The following PDE4B variants were observed in gnomAD, a reference collection of about 807,000 sequenced individuals.
PDE4B encodes the protein 3',5'-cyclic-AMP phosphodiesterase 4B.
PDE4B carries 20 observed loss-of-function variants against 82.2 expected under a neutral mutation model. That is an observed-to-expected ratio of 0.24 (90% CI 0.17 to 0.35). PDE4B has a LOEUF of 0.35. Among genes scored for constraint, PDE4B ranks in the 10% least tolerant of loss-of-function variants. The pLI, the probability that PDE4B is intolerant of heterozygous loss-of-function variation, is 1.00. For missense variants in PDE4B, 655 were observed against 907.2 expected, an observed-to-expected ratio of 0.72 and a Z score of 3.57; for synonymous variants, 320 against 318.9, an observed-to-expected ratio of 1.00 and a Z score of -0.04.
At chr1:66,113,669 C>G (rs372990513) in intron 3 of PDE4B, among the ~76,000 whole-genome samples, 1 of 152,152 alleles carries the variant, frequency 6.6e-6, no homozygotes, top group South Asian at 2.1e-4. Context: ...GTGTTTCTTA[C>G]TTTTCATATC....
chr1:66,141,888 G>A (rs1199275169), intron 3 of PDE4B, among the ~76,000 whole-genome samples: 4 of 151,994 alleles, frequency 2.6e-5, no homozygotes, highest in African/African-American at 9.7e-5. Flanking sequence ...AACAACATAG[G>A]CATTAGGGGT....
At chr1:66,263,970 T>G (rs1165151522) in intron 6 of PDE4B, among the ~76,000 whole-genome samples, 2 of 152,170 alleles carry the variant, frequency 1.3e-5, no homozygotes, top group African/African-American at 4.8e-5. Flanking sequence ...TCAATAAGTA[T>G]TTACTGAATG....
At chr1:66,200,121 GT>G (rs748573911) in intron 3 of PDE4B, among the ~76,000 whole-genome samples, 1 of 152,096 alleles carries the variant, frequency 6.6e-6, no homozygotes, top group Non-Finnish European at 1.5e-5. Context: ...ACCATTTCTT[GT>G]TTTTGTCAGG....
intron 3 of PDE4B, among the ~76,000 whole-genome samples, chr1:66,151,203 T>C (rs1557596064): frequency 6.6e-6 from 1 of 152,188 alleles, no homozygotes; most frequent in Non-Finnish European, 1.5e-5. Flanking sequence ...AACAAAGGAC[T>C]TACAGGCAAA....
At chr1:66,323,070 G>C (rs1659518575) in intron 7 of PDE4B, among the ~76,000 whole-genome samples, 1 of 152,038 alleles carries the variant, frequency 6.6e-6, no homozygotes, top group Non-Finnish European at 1.5e-5. Context: ...CAGCCAGAGG[G>C]ATCTTTTTAA....
intron 1 of PDE4B, among the ~76,000 whole-genome samples, chr1:65,842,657 T>TTTGCTGAACAGATAAATAC (rs1646220758): frequency 6.6e-6 from 1 of 152,108 alleles, no homozygotes; most frequent in Non-Finnish European, 1.5e-5. Context: ...TCAGTAAATA[T>TTTGCTGAACAGATAAATAC]TTGCTGAACA....
At chr1:66,158,900 A>G (rs953235334) in intron 3 of PDE4B, among the ~76,000 whole-genome samples, 3 of 152,220 alleles carry the variant, frequency 2.0e-5, no homozygotes, top group African/African-American at 7.2e-5. Context: ...ATGATCTCAT[A>G]AAAGTAGAGA....
intron 3 of PDE4B, among the ~76,000 whole-genome samples, chr1:65,928,795 C>T (rs527835853): frequency 6.6e-6 from 1 of 152,284 alleles, no homozygotes; most frequent in East Asian, 1.9e-4. Context: ...GGAGATCAGG[C>T]ATTTCCAGCT....
intron 3 of PDE4B, among the ~76,000 whole-genome samples, chr1:65,991,885 A>T (rs531145441): frequency 1.6e-4 from 24 of 152,290 alleles, no homozygotes; most frequent in African/African-American, 5.8e-4. Context: ...TTTAACTGAG[A>T]GTATTCATTT....
intron 3 of PDE4B, among the ~76,000 whole-genome samples, chr1:66,214,712 A>G (rs962819386): frequency 6.6e-6 from 1 of 152,158 alleles, no homozygotes; most frequent in East Asian, 1.9e-4. Flanking sequence ...AAGTGGTAGA[A>G]CCAGAATTCA....
At chr1:66,100,727 A>G (rs1645204797) in intron 3 of PDE4B, among the ~76,000 whole-genome samples, 1 of 152,138 alleles carries the variant, frequency 6.6e-6, no homozygotes, top group African/African-American at 2.4e-5. Flanking sequence ...AAAGATGCCT[A>G]ATGCCTTTAC....
intron 4 of PDE4B, 200 bp from the exon 5 acceptor site, chr1:66,257,447 T>C (rs889488658): frequency 1.3e-6 from 1 of 763,132 alleles, no homozygotes; most frequent in Non-Finnish European, 2.4e-6. Context: ...TCAGGAGTCA[T>C]GAATCTAGTA....
intron 3 of PDE4B, among the ~76,000 whole-genome samples, chr1:65,980,311 A>C (rs760150168): frequency 2.6e-5 from 4 of 152,232 alleles, no homozygotes; most frequent in African/African-American, 9.6e-5. Flanking sequence ...TATGTTTTAT[A>C]CATAATGTAC....
chr1:65,911,486 A>T (rs1477661162), intron 1 of PDE4B, among the ~76,000 whole-genome samples: 1 of 152,044 alleles, frequency 6.6e-6, no homozygotes, highest in Non-Finnish European at 1.5e-5. Context: ...AACACATTTA[A>T]ATCTTGCTTT....
chr1:65,915,110 G>A (rs1019665007), intron 2 of PDE4B, among the ~76,000 whole-genome samples: 1 of 152,018 alleles, frequency 6.6e-6, no homozygotes, highest in African/African-American at 2.4e-5. Flanking sequence ...CTTTTTAAAT[G>A]TATCTACTAG....
At chr1:65,843,528 C>T (rs971959233) in intron 1 of PDE4B, among the ~76,000 whole-genome samples, 3 of 152,104 alleles carry the variant, frequency 2.0e-5, no homozygotes, top group African/African-American at 7.2e-5. Context: ...TTTTCATTTC[C>T]TACCTATGGG....
Position 66,368,808 on chromosome 1 carries a change from T to C in PDE4B, c.1684T>C (p.Cys562Arg). The C allele has an allele frequency of 6.3e-7, 1 of 1,589,570 alleles. No individual in the cohort carries two copies. Among genetic ancestry groups the C allele is most frequent in the Non-Finnish European group, 8.6e-7 (1 of 1,167,232 alleles). Residue 562 changes from cysteine to arginine, a missense_variant, in exon 16 of 17, where the codon TGT becomes CGT. By Grantham distance (180) the Cys-to-Arg change is radical. Coordinates refer to ENST00000341517, the MANE Select transcript of PDE4B (RefSeq NM_002600.4). Reference protein sequence around the residue: ...RIQVLRNMVHCADLSNPTKSL... With the variant: ...RIQVLRNMVHRADLSNPTKSL... ...TCAGGTCCTTCGCAACATGGTACAC[T>C]GTGCAGACCTGAGCAACCCCACCAA...
At chr1:66,306,001 C>G (rs959574747) in intron 7 of PDE4B, among the ~76,000 whole-genome samples, 1 of 152,018 alleles carries the variant, frequency 6.6e-6, no homozygotes, top group Non-Finnish European at 1.5e-5. Context: ...GGAGATCCAG[C>G]ATGGGAATCA....
intron 3 of PDE4B, among the ~76,000 whole-genome samples, chr1:65,973,646 G>A (rs1650261951): frequency 6.6e-6 from 1 of 152,100 alleles, no homozygotes. Context: ...GGTATTGTGG[G>A]AAAAACACTA....
Sources: allele counts gnomAD v4.1 joint callset (sites outside exome capture counted in the v4.1 genomes callset), GRCh38; gene constraint gnomAD v4.1.1; transcripts MANE v1.5; gene names NCBI Gene and HGNC (gene_info 2026-07-23, HGNC 2026-07-21).